Variants in FHIT observed in about 807,000 individuals in gnomAD.
FHIT encodes the protein bis(5'-adenosyl)-triphosphatase.
In FHIT, 19 loss-of-function variants were observed where a neutral mutation model predicts 17.9. That is an observed-to-expected ratio of 1.06 (90% confidence interval 0.74 to 1.56). The LOEUF (loss-of-function observed/expected upper bound fraction) is 1.56. FHIT is among the 40% of genes most tolerant of loss of function. FHIT has a pLI of 0.00. For synonymous variants in FHIT, 81 were observed against 69.7 expected (o/e 1.16, Z -0.81); for missense variants, 248 against 189.2 (o/e 1.31, Z -1.82).
At chr3:60,572,206 C>T (rs899937567) in intron 4 of FHIT, among the ~76,000 whole-genome samples, 1 of 152,130 alleles carries the variant, frequency 6.6e-6, no homozygotes, top group Non-Finnish European at 1.5e-5. Flanking sequence ...CAAGGCAGTA[C>T]AGACTGCTTT....
intron 2 of FHIT, among the ~76,000 whole-genome samples, chr3:61,149,894 T>C (rs958568635): frequency 2.6e-5 from 4 of 152,080 alleles, no homozygotes; most frequent in African/African-American, 7.2e-5. Context: ...AAAAAAATGC[T>C]AAACTGGACA....
chr3:60,021,995 T>C (rs1157037370), intron 5 of FHIT, among the ~76,000 whole-genome samples: 1 of 152,236 alleles, frequency 6.6e-6, no homozygotes, highest in Non-Finnish European at 1.5e-5. Context: ...TGTACTACTA[T>C]GCATTCTGGC....
chr3:59,848,521 T>G (rs745530612), intron 8 of FHIT, among the ~76,000 whole-genome samples: 2 of 152,200 alleles, frequency 1.3e-5, no homozygotes, highest in Admixed American at 6.5e-5. Flanking sequence ...ATTTAGAATA[T>G]CTTCTAAAAT....
At chr3:60,617,198 A>G (rs1305300435) in intron 4 of FHIT, 2 of 186,794 alleles carry the variant, frequency 1.1e-5, no homozygotes, top group African/African-American at 4.7e-5. Context: ...CACACTCTTG[A>G]ACGTCTTTCA....
intron 7 of FHIT, among the ~76,000 whole-genome samples, chr3:59,949,647 G>A (rs1707013767): frequency 6.6e-6 from 1 of 152,156 alleles, no homozygotes; most frequent in Admixed American, 6.5e-5. Flanking sequence ...TCTAGCTAAC[G>A]CTGTGACACA....
chr3:60,342,961 T>C (rs1258407693), intron 5 of FHIT, among the ~76,000 whole-genome samples: 1 of 152,166 alleles, frequency 6.6e-6, no homozygotes, highest in African/African-American at 2.4e-5. Flanking sequence ...CTCAGCCATA[T>C]TGTCTTCTCA....
chr3:60,862,269 C>G (rs1223475702), intron 3 of FHIT, among the ~76,000 whole-genome samples: 1 of 151,998 alleles, frequency 6.6e-6, no homozygotes, highest in African/African-American at 2.4e-5. Context: ...GCCTTGAACT[C>G]CTGGGCTCAA....
At chr3:60,156,369 A>G (rs959576366) in intron 5 of FHIT, among the ~76,000 whole-genome samples, 1 of 151,758 alleles carries the variant, frequency 6.6e-6, no homozygotes, top group African/African-American at 2.4e-5. Flanking sequence ...AAAAAATTAG[A>G]TATTTAAAAT....
Position 59,954,585 on chromosome 3 carries a change from T to C in FHIT, c.280-32171A>G, listed in dbSNP as rs117862760. Among the ~76,000 whole-genome samples the C allele has an allele frequency of 7.2e-5, 11 of 152,254 alleles. No individual in the cohort carries two copies. The East Asian group carries it at 1.9e-3, about 27-fold the overall frequency. On this transcript the variant is annotated intron_variant, in intron 7 of 9. Coordinates refer to ENST00000492590, the MANE Select transcript of FHIT (RefSeq NM_002012.4). ...CAAAAGAAGATGAGGCTAAGGGCCC[T>C]CCAGGTGGAGGAACAGCCTGAGTAA...
In FHIT at chr3:60,821,136, C is replaced by T. The variant is rs9850790; in HGVS notation, c.-18+783G>A. 2.0e-3 allele frequency among the ~76,000 whole-genome samples: 308 copies of T among 152,132 alleles called. 1 individual carries two copies. Among genetic ancestry groups the T allele is most frequent in the African/African-American group, 6.8e-3 (282 of 41,510 alleles). On this transcript the variant is annotated intron_variant, in intron 4 of 9. Coordinates refer to ENST00000492590, the MANE Select transcript of FHIT (RefSeq NM_002012.4). ...GATTACAGACACCTGCTACCACATC[C>T]GGCTAATTTTTGGATTTTTGGTAGA...
intron 7 of FHIT, among the ~76,000 whole-genome samples, chr3:59,999,532 C>A (rs1330541967): frequency 6.6e-6 from 1 of 152,086 alleles, no homozygotes; most frequent in South Asian, 2.1e-4. Context: ...ACAACAATAA[C>A]TGAATATTTT....
chr3:59,809,470 T>G (rs950851032), intron 8 of FHIT, among the ~76,000 whole-genome samples: 1 of 152,232 alleles, frequency 6.6e-6, no homozygotes, highest in African/African-American at 2.4e-5. Context: ...GGTTGTTTTA[T>G]GCCACTCATG....
chr3:60,235,195 G>A (rs939139976), intron 5 of FHIT, among the ~76,000 whole-genome samples: 7 of 150,634 alleles, frequency 4.6e-5, no homozygotes, highest in South Asian at 4.2e-4. Context: ...CTGTTAAGTA[G>A]ATTCTATGTA....
At chr3:59,873,883 C>A (rs684753) in intron 8 of FHIT, among the ~76,000 whole-genome samples, 1 of 151,958 alleles carries the variant, frequency 6.6e-6, no homozygotes, top group African/African-American at 2.4e-5. Flanking sequence ...TTAAATCTCC[C>A]GAGACAGCAA....
At chr3:61,088,988 G>T (rs554247011) in intron 2 of FHIT, among the ~76,000 whole-genome samples, 2 of 152,086 alleles carry the variant, frequency 1.3e-5, no homozygotes, top group African/African-American at 4.8e-5. Context: ...TTAGGATGGA[G>T]GTAGAAATGA....
rs145858085 is a variant in FHIT at position 61,205,353 on chromosome 3, A to G, written c.-212-4688T>C. Among the ~76,000 whole-genome samples, 1,222 of 152,226 alleles carry G rather than the reference A, an allele frequency of 8.0e-3. 18 individuals carry two copies. Among genetic ancestry groups the G allele is most frequent in the African/African-American group, 0.028 (1,144 of 41,520 alleles). ...TATATACCCAGTAATGAGATGGCTG[A>G]GTCAAATGGTATATCTAGTTCTAGA... On this transcript the variant is annotated intron_variant, in intron 1 of 9. Coordinates refer to ENST00000492590, the MANE Select transcript of FHIT (RefSeq NM_002012.4).
chr3:60,018,772 G>A (rs866977060), intron 5 of FHIT, among the ~76,000 whole-genome samples: 1 of 152,138 alleles, frequency 6.6e-6, no homozygotes, highest in African/African-American at 2.4e-5. Context: ...GAGGTCAGCA[G>A]TTCAAGACCA....
intron 7 of FHIT, among the ~76,000 whole-genome samples, chr3:59,954,389 C>T (rs1707290147): frequency 6.6e-6 from 1 of 152,124 alleles, no homozygotes; most frequent in African/African-American, 2.4e-5. Flanking sequence ...AAGCTCTGTG[C>T]TAGTGCTTCT....
In FHIT at chr3:60,879,341, T is replaced by C. The variant is rs542648923; in HGVS notation, c.-110-57330A>G. ...AGCTGAAGAAACTGCATAGATACTA[T>C]ACCACTGAACCTACCTGGAAACAAA... On this transcript the variant is annotated intron_variant, in intron 3 of 9. Coordinates refer to ENST00000492590, the MANE Select transcript of FHIT (RefSeq NM_002012.4). Among the ~76,000 whole-genome samples, 3 of 152,260 alleles carry C rather than the reference T, an allele frequency of 2.0e-5. No homozygotes were observed. In the South Asian group the frequency reaches 6.2e-4, roughly 32 times the overall value.
Sources: gnomAD v4.1 joint callset for allele counts (sites outside exome capture counted in the v4.1 genomes callset) on GRCh38, gnomAD v4.1.1 for gene constraint, MANE v1.5 for transcripts, NCBI Gene and HGNC (gene_info 2026-07-23, HGNC 2026-07-21) for gene names.